Variants in PARP11 observed in about 807,000 individuals in gnomAD.
The protein encoded by PARP11 is poly(ADP-ribose) polymerase family member 11, also known as protein mono-ADP-ribosyltransferase PARP11.
A neutral mutation model predicts 42.9 loss-of-function variants in PARP11; 31 were observed. That is an observed-to-expected ratio of 0.72 (90% CI 0.54 to 0.98). The LOEUF is 0.98. Among genes scored for constraint, PARP11 ranks in the 50% least tolerant of loss-of-function variants. The pLI is 0.00. For missense variants in PARP11, 365 were observed against 413.1 expected, an observed-to-expected ratio of 0.88 and a Z score of 1.01; for synonymous variants, 137 against 127.3, an observed-to-expected ratio of 1.08 and a Z score of -0.51.
intron 6 of PARP11, among the ~76,000 whole-genome samples, chr12:3,818,638 G>T (rs555691744): frequency 6.6e-6 from 1 of 152,294 alleles, no homozygotes; most frequent in East Asian, 1.9e-4. Flanking sequence ...TCTTGAAAAA[G>T]TTGTCAACAT....
intron 7 of PARP11, 39 bp from the exon 8 acceptor site, chr12:3,812,478 G>A (rs372488017): frequency 1.2e-4 from 172 of 1,458,282 alleles, no homozygotes; most frequent in Non-Finnish European, 1.4e-4. Flanking sequence ...AGATTACTCC[G>A]AAGAATATAT....
chr12:3,822,665 T>G (rs1280234209), intron 4 of PARP11, among the ~76,000 whole-genome samples: 1 of 152,080 alleles, frequency 6.6e-6, no homozygotes, highest in Non-Finnish European at 1.5e-5. Context: ...AATAGTGAAC[T>G]TTTGATGGAA....
intron 1 of PARP11, chr12:3,841,167 CT>C (rs1181103272): frequency 1.3e-6 from 2 of 1,584,564 alleles, no homozygotes; most frequent in African/African-American, 2.7e-5. Flanking sequence ...AAGACCCACT[CT>C]ATCCTGGGTT....
At chr12:3,843,306 A>C (rs1947931652) in intron 1 of PARP11, among the ~76,000 whole-genome samples, 1 of 152,238 alleles carries the variant, frequency 6.6e-6, no homozygotes, top group African/African-American at 2.4e-5. Flanking sequence ...AGAAATGTAG[A>C]TGCTACGCAT....
intron 1 of PARP11, among the ~76,000 whole-genome samples, chr12:3,836,642 T>C (rs1947769190): frequency 1.3e-5 from 2 of 152,234 alleles, no homozygotes; most frequent in African/African-American, 4.8e-5. Context: ...AGTTCCAAGA[T>C]GGTGGCACAG....
Position 3,839,927 on chromosome 12 carries a change from G to C in PARP11, c.19-9909C>G, listed in dbSNP as rs1452896705. 10 of 1,130,578 alleles carry C rather than the reference G, an allele frequency of 8.8e-6. No homozygotes were observed. In the Admixed American group the frequency reaches 1.0e-4, roughly 11 times the overall value. 70.0% of individuals were successfully genotyped at this position (1,130,578 alleles called of 1,614,324 possible). A position where few individuals can be genotyped will look rare whatever the true frequency, so the allele number is the denominator to read the frequency against. On this transcript the variant is annotated intron_variant, in intron 1 of 7. Transcript: ENST00000228820. ...ATATCAGATTCAGAGGATGACAGCT[G>C]CAAGAGTAAAACTGCTGTTGCTGCT...
At chr12:3,812,728 A>G (rs377082516) in intron 7 of PARP11, among the ~76,000 whole-genome samples, 1 of 152,348 alleles carries the variant, frequency 6.6e-6, no homozygotes, top group East Asian at 1.9e-4. Flanking sequence ...TTTAAAATAA[A>G]TCTTACAAAG....
rs1947491133 is a variant in PARP11, at chr12:3,825,105, C to T, written c.344+1053G>A. Among the ~76,000 whole-genome samples the T allele has an allele frequency of 2.0e-5, 3 of 149,060 alleles. No homozygotes were observed. In the South Asian group the frequency reaches 6.3e-4, roughly 31 times the overall value. ...ATAGGCATTCCCTGCAATTAACATG[C>T]TACCTTTTTTTTTTTCCAGTTTCAT... On this transcript the variant is annotated intron_variant, in intron 4 of 7. Coordinates refer to ENST00000228820, the MANE Select transcript of PARP11 (RefSeq NM_020367.6).
chr12:3,834,563 G>A (rs930629189), intron 1 of PARP11, among the ~76,000 whole-genome samples: 3 of 150,558 alleles, frequency 2.0e-5, no homozygotes, highest in African/African-American at 7.4e-5. Context: ...GAACCCAGGA[G>A]GCAAAGGTTT....
chr12:3,818,925 G>GC (rs1239772446), intron 6 of PARP11, among the ~76,000 whole-genome samples: 2 of 151,958 alleles, frequency 1.3e-5, no homozygotes, highest in East Asian at 3.9e-4. Context: ...TTGACCCTTG[G>GC]CCCTCTTCTT....
At chr12:3,831,848 C>T (rs1947647325) in intron 1 of PARP11, among the ~76,000 whole-genome samples, 1 of 151,988 alleles carries the variant, frequency 6.6e-6, no homozygotes, top group South Asian at 2.1e-4. Flanking sequence ...ATTCACAATT[C>T]CTACTGCTTT....
At chr12:3,838,838 G>C (rs1355589162) in intron 1 of PARP11, among the ~76,000 whole-genome samples, 2 of 152,160 alleles carry the variant, frequency 1.3e-5, no homozygotes, top group Non-Finnish European at 2.9e-5. Context: ...CTCGGCTCCC[G>C]GCGTGGGGAG....
At chr12:3,835,060 T>C (rs1045416825) in intron 1 of PARP11, among the ~76,000 whole-genome samples, 5 of 152,158 alleles carry the variant, frequency 3.3e-5, no homozygotes, top group African/African-American at 1.2e-4. Flanking sequence ...ACTGTGTACA[T>C]GCTCAAGGTT....
chr12:3,872,418 G>A, intron 1 of PARP11: 1 of 512,648 alleles, frequency 2.0e-6, no homozygotes, highest in Non-Finnish European at 2.5e-6. Flanking sequence ...GGTGAGGAAA[G>A]GTACTAAAGT....
At chr12:3,873,101 C>G (rs1948523222) in intron 1 of PARP11, 111 bp downstream of exon 1, 1 of 1,076,474 alleles carries the variant, frequency 9.3e-7, no homozygotes, top group African/African-American at 1.6e-5. Flanking sequence ...GGTCCCGGAA[C>G]TCAACACCCA....
rs1947192472 is a variant in PARP11, at chr12:3,812,156, T to C, written c.984A>G (p.Gln328=). Residue 328 remains glutamine (Q), a synonymous_variant, in exon 8 of 8, where the codon CAA becomes CAG. Transcript: ENST00000228820. ...PKIFVVFDAN[Q]IYPEYLIDFH is the part of the protein sequence containing the mutation. ...AGTCTATCAAGTACTCAGGATAGAT[T>C]TGGTTGGCATCAAAAACCACAAAGA... The C allele has an allele frequency of 8.1e-6, 13 of 1,613,494 alleles. No homozygotes were observed. The highest frequency in any genetic ancestry group is 2.7e-5 in the African/African-American group (2 of 74,758).
chr12:3,851,367 G>A (rs1035073434), intron 1 of PARP11, among the ~76,000 whole-genome samples: 20 of 152,206 alleles, frequency 1.3e-4, no homozygotes, highest in African/African-American at 3.1e-4. Flanking sequence ...AAGGGAAGCC[G>A]TGACAGATTG....
At chr12:3,850,983 G>C (rs1375169202) in intron 1 of PARP11, among the ~76,000 whole-genome samples, 1 of 152,186 alleles carries the variant, frequency 6.6e-6, no homozygotes, top group Non-Finnish European at 1.5e-5. Context: ...TGTATTGAAA[G>C]GATAGTCCAT....
chr12:3,847,682 T>A (rs1194962834), intron 1 of PARP11, among the ~76,000 whole-genome samples: 1 of 152,078 alleles, frequency 6.6e-6, no homozygotes, highest in Non-Finnish European at 1.5e-5. Flanking sequence ...CTCAAAATAA[T>A]AAAGGCCAGA....
Sources: allele counts gnomAD v4.1 joint callset (sites outside exome capture counted in the v4.1 genomes callset), GRCh38; gene constraint gnomAD v4.1.1; transcripts MANE v1.5; gene names NCBI Gene and HGNC (gene_info 2026-07-23, HGNC 2026-07-21).